Variants in ANXA4 observed in about 807,000 individuals in gnomAD.
ANXA4 encodes the protein 35-beta calcimedin.
In ANXA4, 39 loss-of-function variants were observed where a neutral mutation model predicts 49.8. The ratio of observed to expected loss-of-function variants is 0.78; its 90% CI spans 0.61 to 1.02. The LOEUF is 1.02. ANXA4 is among the 50% of genes least tolerant of loss of function. The probability of loss-of-function intolerance (pLI) is 0.00; values close to 1 mark genes in which losing one functional copy is unlikely to be tolerated. For synonymous variants in ANXA4, 134 were observed against 152.5 expected (o/e 0.88, Z 0.89); for missense variants, 360 against 410.1 (o/e 0.88, Z 1.05).
chr2:69,668,713 C>A (rs2105336735), intron 2 of ANXA4, among the ~76,000 whole-genome samples: 1 of 152,238 alleles, frequency 6.6e-6, no homozygotes, highest in East Asian at 1.9e-4. Context: ...TCATTGTCTT[C>A]AGGCACAGCC....
At chr2:69,801,142 T>A (rs1296885147) in intron 3 of ANXA4, among the ~76,000 whole-genome samples, 1 of 152,278 alleles carries the variant, frequency 6.6e-6, no homozygotes, top group South Asian at 2.1e-4. Context: ...ACTGTATTGG[T>A]CATTTCTTTC....
intron 1 of ANXA4, among the ~76,000 whole-genome samples, chr2:69,645,812 T>G (rs571307402): frequency 5.9e-5 from 9 of 152,338 alleles, no homozygotes; most frequent in African/African-American, 1.9e-4. Context: ...ATCCACAGTT[T>G]TTCATGCTTT....
intron 1 of ANXA4, among the ~76,000 whole-genome samples, chr2:69,647,531 C>T (rs2105293151): frequency 6.6e-6 from 1 of 152,000 alleles, no homozygotes; most frequent in East Asian, 1.9e-4. Context: ...GCCTCAGCCT[C>T]CCGAGTAGCG....
chr2:69,731,322 G>A (rs1010269129), intron 3 of ANXA4, among the ~76,000 whole-genome samples: 1 of 152,180 alleles, frequency 6.6e-6, no homozygotes, highest in Non-Finnish European at 1.5e-5. Flanking sequence ...CCATCTGCCA[G>A]ACCTACCCAG....
At chr2:69,655,588 A>G (rs1676406916) in intron 2 of ANXA4, among the ~76,000 whole-genome samples, 2 of 152,214 alleles carry the variant, frequency 1.3e-5, no homozygotes, top group African/African-American at 2.4e-5. Flanking sequence ...TGGGAGTGTT[A>G]ATTAGTTCTA....
At chr2:69,647,740 A>C (rs996155263) in intron 1 of ANXA4, among the ~76,000 whole-genome samples, 36 of 152,196 alleles carry the variant, frequency 2.4e-4, no homozygotes, top group African/African-American at 8.4e-4. Context: ...TATAAAAAAT[A>C]GAGATGGGGT....
chr2:69,708,693 C>T (rs1018063851), intron 2 of ANXA4, among the ~76,000 whole-genome samples: 1 of 152,098 alleles, frequency 6.6e-6, no homozygotes, highest in Admixed American at 6.6e-5. Flanking sequence ...TTGCCCCTTT[C>T]CTCTCTGAAG....
chr2:69,816,379 G>A, intron 9 of ANXA4, 185 bp downstream of exon 9: 1 of 499,874 alleles, frequency 2.0e-6, no homozygotes, highest in Non-Finnish European at 3.6e-6. Flanking sequence ...ATTTCTGAAA[G>A]ATTAATTATG....
intron 1 of ANXA4, among the ~76,000 whole-genome samples, chr2:69,753,189 C>T (rs1343576877): frequency 6.6e-6 from 1 of 152,170 alleles, no homozygotes; most frequent in Non-Finnish European, 1.5e-5. Flanking sequence ...TTTCTCTTGC[C>T]ATGCCTAGTA....
chr2:69,689,138 C>T (rs1344287495), intron 2 of ANXA4, among the ~76,000 whole-genome samples: 1 of 151,952 alleles, frequency 6.6e-6, no homozygotes, highest in African/African-American at 2.4e-5. Flanking sequence ...GTCACTCAGG[C>T]TGGAGTAAAG....
chr2:69,760,727 G>C (rs1260261298), intron 1 of ANXA4, among the ~76,000 whole-genome samples: 4 of 152,110 alleles, frequency 2.6e-5, no homozygotes, highest in African/African-American at 9.7e-5. Context: ...ACAAGTTTTT[G>C]TGTGCGTGAT....
chr2:69,674,992 G>A (rs1048204118), intron 2 of ANXA4, among the ~76,000 whole-genome samples: 3 of 144,862 alleles, frequency 2.1e-5, no homozygotes, highest in Non-Finnish European at 3.0e-5. Context: ...GCACCATCTC[G>A]GCTCACTGCA....
chr2:69,806,602 C>A, intron 5 of ANXA4, 104 bp downstream of exon 5: 5 of 873,982 alleles, frequency 5.7e-6, no homozygotes, highest in South Asian at 1.5e-5. Context: ...GCAACCTAAA[C>A]GCCCATCAAT....
intron 1 of ANXA4, among the ~76,000 whole-genome samples, chr2:69,763,139 T>G (rs1005721942): frequency 6.6e-6 from 1 of 152,170 alleles, no homozygotes; most frequent in Non-Finnish European, 1.5e-5. Flanking sequence ...GTTTTTGTGC[T>G]CTTCTGCCGG....
intron 2 of ANXA4, among the ~76,000 whole-genome samples, chr2:69,690,686 C>T (rs1348394563): frequency 6.6e-6 from 1 of 152,158 alleles, no homozygotes; most frequent in Admixed American, 6.6e-5. Flanking sequence ...TGGTCCAACC[C>T]CTTGAAACCT....
At chr2:69,691,569 ACATG>A (rs1399951849) in intron 2 of ANXA4, among the ~76,000 whole-genome samples, 133 of 46,172 alleles carry the variant, frequency 2.9e-3, no homozygotes, top group African/African-American at 9.7e-3. Context: ...ACACACACAC[ACATG>A]CACACACACA....
At chr2:69,647,435 G>T (rs1390679447) in intron 1 of ANXA4, among the ~76,000 whole-genome samples, 1 of 148,846 alleles carries the variant, frequency 6.7e-6, no homozygotes, top group African/African-American at 2.5e-5. Flanking sequence ...TTGAGACAGA[G>T]TCTCACTCTG....
At chr2:69,671,318 A>G (rs968583536) in intron 2 of ANXA4, among the ~76,000 whole-genome samples, 1 of 152,256 alleles carries the variant, frequency 6.6e-6, no homozygotes, top group Non-Finnish European at 1.5e-5. Flanking sequence ...CTCTAGTAAC[A>G]GTAAAGTTTA....
intron 1 of ANXA4, among the ~76,000 whole-genome samples, chr2:69,648,845 C>T (rs1451437495): frequency 2.2e-5 from 3 of 134,918 alleles, no homozygotes; most frequent in African/African-American, 8.3e-5. Flanking sequence ...AAAAAAAAGA[C>T]GTTTCTTGAT....
Sources: allele counts gnomAD v4.1 joint callset (sites outside exome capture counted in the v4.1 genomes callset), GRCh38; gene constraint gnomAD v4.1.1; transcripts MANE v1.5; gene names NCBI Gene and HGNC (gene_info 2026-07-23, HGNC 2026-07-21).